The following MCTP2 variants were observed in gnomAD, a reference collection of about 807,000 sequenced individuals.
The protein encoded by MCTP2 is multiple C2 and transmembrane domain-containing protein 2.
A neutral mutation model predicts 111.6 loss-of-function variants in MCTP2; 132 were observed. The ratio of observed to expected loss-of-function variants is 1.18; its 90% CI spans 1.03 to 1.37. MCTP2 has a LOEUF of 1.37. MCTP2 is among the 40% of genes most tolerant of loss of function. The pLI is 0.00. For synonymous variants in MCTP2, 395 were observed against 387.7 expected (o/e 1.02, Z -0.22); for missense variants, 1,183 against 1,067.9 (o/e 1.11, Z -1.50).
chr15:94,338,782 C>T (rs538170443), intron 4 of MCTP2, among the ~76,000 whole-genome samples: 4 of 152,324 alleles, frequency 2.6e-5, no homozygotes, highest in African/African-American at 4.8e-5. Flanking sequence ...TTAATCTCTA[C>T]GCCTCCAGTT....
chr15:94,418,310 G>A (rs947957934), intron 17 of MCTP2, among the ~76,000 whole-genome samples: 5 of 152,078 alleles, frequency 3.3e-5, no homozygotes, highest in African/African-American at 7.2e-5. Context: ...GACACTTATC[G>A]ATACATTTAA....
chr15:94,471,453 A>C (rs1383379896), intron 21 of MCTP2, among the ~76,000 whole-genome samples: 1 of 152,230 alleles, frequency 6.6e-6, no homozygotes, highest in Non-Finnish European at 1.5e-5. Flanking sequence ...CATCCAACAA[A>C]GTAGAATCCT....
chr15:94,409,881 T>G, intron 17 of MCTP2, among the ~76,000 whole-genome samples: 1 of 126,544 alleles, frequency 7.9e-6, no homozygotes, highest in East Asian at 2.8e-4. Context: ...CCCCCTCCCT[T>G]TCCCCCTCCC....
chr15:94,330,935 A>G (rs1237871816), intron 4 of MCTP2, among the ~76,000 whole-genome samples: 8 of 151,960 alleles, frequency 5.3e-5, no homozygotes, highest in Non-Finnish European at 7.4e-5. Flanking sequence ...GGATTTTGCC[A>G]TGTTGCCCAG....
intron 14 of MCTP2, among the ~76,000 whole-genome samples, chr15:94,390,098 A>ATGTATATG (rs1555464915): frequency 2.9e-5 from 1 of 34,424 alleles, no homozygotes; most frequent in East Asian, 6.1e-4. Flanking sequence ...ATGTATATAT[A>ATGTATATG]TATATATATA....
chr15:94,357,029 A>G (rs933320099), intron 9 of MCTP2, among the ~76,000 whole-genome samples: 2 of 152,170 alleles, frequency 1.3e-5, no homozygotes, highest in African/African-American at 4.8e-5. Context: ...TGAAACTTAA[A>G]TCACTTGCCA....
intron 2 of MCTP2, among the ~76,000 whole-genome samples, chr15:94,306,968 T>C (rs765224787): frequency 2.6e-5 from 4 of 152,144 alleles, no homozygotes; most frequent in Admixed American, 6.5e-5. Context: ...ATGACGTCAT[T>C]TTTACTATTT....
rs189566667 is a variant in MCTP2 at position 94,276,031 on chromosome 15, A to G, written c.-65-22170A>G. ...CAGCTAATTTTTGTATTTTTAGTAG[A>G]GATGGGATTTCACCGTGTTAGCCAG... On this transcript the variant is annotated intron_variant, in intron 1 of 22. Transcript: ENST00000357742. Among the ~76,000 whole-genome samples the G allele has an allele frequency of 8.4e-4, 127 of 152,008 alleles. 4 individuals are homozygous for G. In the East Asian group the frequency reaches 0.02, roughly 24 times the overall value.
At chr15:94,405,400 T>G (rs111761515) in intron 17 of MCTP2, among the ~76,000 whole-genome samples, 1 of 152,246 alleles carries the variant, frequency 6.6e-6, no homozygotes, top group African/African-American at 2.4e-5. Context: ...TGGATGCCTA[T>G]GTACATGTGC....
chr15:94,430,393 T>TCACACACACACACACA (rs35129445), intron 17 of MCTP2, among the ~76,000 whole-genome samples: 33 of 107,198 alleles, frequency 3.1e-4, no homozygotes, highest in African/African-American at 1.1e-3. Context: ...CCAAAAACAA[T>TCACACACACACACACA]CACACACACA....
chr15:94,390,376 G>A (rs2080884186), intron 14 of MCTP2, among the ~76,000 whole-genome samples: 2 of 151,978 alleles, frequency 1.3e-5, no homozygotes, highest in African/African-American at 4.8e-5. Context: ...CACAATAAGT[G>A]TGCATTGGAA....
At chr15:94,433,459 T>G (rs984649266) in intron 17 of MCTP2, among the ~76,000 whole-genome samples, 1 of 152,190 alleles carries the variant, frequency 6.6e-6, no homozygotes, top group African/African-American at 2.4e-5. Context: ...GGTCCTAACA[T>G]ACGTGATTTT....
At chr15:94,416,103 A>G (rs1184408756) in intron 17 of MCTP2, among the ~76,000 whole-genome samples, 1 of 152,148 alleles carries the variant, frequency 6.6e-6, no homozygotes, top group Non-Finnish European at 1.5e-5. Context: ...CAGTTGCATC[A>G]TTGAGAAGTA....
chr15:94,479,012 G>C lies in MCTP2; in HGVS notation c.2615G>C (p.Arg872Pro). ...CTCTGCAGCAGCCACAGCCCCCTGC[G>C]GAAGAAGCGCAGCGCTCTCTAGGGC... ...LKLCSSHSPL[R>P]KKRSAL The change falls in exon 23 of 23, where the codon CGG (arginine) becomes CCG (proline). Residue 872 changes from arginine to proline, a missense_variant. Arg to Pro is a moderately radical substitution (Grantham distance 103, BLOSUM62 -2). Coordinates refer to ENST00000357742, the MANE Select transcript of MCTP2 (RefSeq NM_001385001.1). The C allele has an allele frequency of 6.2e-7, 1 of 1,614,074 alleles. No homozygotes were observed. Among genetic ancestry groups the C allele is most frequent in the African/African-American group, 1.3e-5 (1 of 75,050 alleles).
rs1345564050 is a variant in MCTP2, at chr15:94,401,722, T to C, written c.1966-178T>C. 2.6e-5 allele frequency among the ~76,000 whole-genome samples: 4 copies of C among 152,376 alleles called. No homozygotes were observed. The East Asian group carries it at 5.8e-4, about 22-fold the overall frequency. On this transcript the variant is annotated intron_variant, in intron 16 of 22. Coordinates refer to ENST00000357742, the MANE Select transcript of MCTP2 (RefSeq NM_001385001.1). The stretch of plus-strand genomic sequence containing the variant: ...ATGCATTTGATTCTCATTTCCTCTA[T>C]GGATGATCATATTTTAAAAAGACTT...
At position 94,242,782 on chromosome 15, in the gene MCTP2, A is replaced by G. The variant is rs77116965; in HGVS notation, c.-66+11118A>G. On this transcript the variant is annotated intron_variant, in intron 1 of 22. Transcript: ENST00000357742. ...TGAGGTCAGAAAGCGAGTATTGCAC[A>G]TGCACATATCCTATTGGCAGTATTG... Among the ~76,000 whole-genome samples the G allele has an allele frequency of 9.8e-3, 1,484 of 151,464 alleles. 21 individuals are homozygous for G. The highest frequency in any genetic ancestry group is 0.034 in the African/African-American group (1,409 of 41,276).
In MCTP2 at chr15:94,326,828, A is replaced by ACC. The variant is rs1491216031; in HGVS notation, c.637+11191_637+11192insCC. Among the ~76,000 whole-genome samples, 9 of 64,256 alleles carry ACC rather than the reference A, an allele frequency of 1.4e-4. No homozygotes were observed. The South Asian group carries it at 2.3e-3, about 17-fold the overall frequency. 42.2% of individuals were successfully genotyped at this position (64,256 alleles called of 152,430 possible). A position where few individuals can be genotyped will look rare whatever the true frequency, so the allele number is the denominator to read the frequency against. On this transcript the variant is annotated intron_variant, in intron 4 of 22. Transcript: ENST00000357742. ...GGTGATCCCCGCCCCACCCCCCCCC[A>ACC]ACCTCGGCCTCCCAAAGTGCTGGGA...
intron 20 of MCTP2, among the ~76,000 whole-genome samples, chr15:94,461,707 A>G (rs2085221279): frequency 6.6e-6 from 1 of 152,126 alleles, no homozygotes; most frequent in South Asian, 2.1e-4. Context: ...AAGAAGTAGA[A>G]CTGCCCTGGC....
At chr15:94,303,037 T>G (rs2075699064) in intron 2 of MCTP2, among the ~76,000 whole-genome samples, 1 of 147,596 alleles carries the variant, frequency 6.8e-6, no homozygotes, top group Non-Finnish European at 1.5e-5. Context: ...GTATTAGGGT[T>G]CTCTAGAGGG....
Sources: allele counts gnomAD v4.1 joint callset (sites outside exome capture counted in the v4.1 genomes callset), GRCh38; gene constraint gnomAD v4.1.1; transcripts MANE v1.5; gene names NCBI Gene and HGNC (gene_info 2026-07-23, HGNC 2026-07-21).